The following ECEL1 variants were observed in gnomAD, a reference collection of about 807,000 sequenced individuals.
ECEL1 encodes endothelin-converting enzyme-like 1.
Under a neutral mutation model 101.8 loss-of-function variants are expected in ECEL1, and 87 were observed. That is an observed-to-expected ratio of 0.85 (90% CI 0.72 to 1.02). The LOEUF (loss-of-function observed/expected upper bound fraction) is 1.02. ECEL1 is among the 50% of genes least tolerant of loss of function. The pLI is 0.00. For synonymous variants in ECEL1, 487 were observed against 468.7 expected (o/e 1.04, Z -0.50); for missense variants, 1,032 against 1,079.2 (o/e 0.96, Z 0.61).
chr2:232,486,272 AG>A lies in ECEL1; in HGVS notation c.381del (p.Ser128ArgfsTer75). 8 of 1,600,396 alleles carry A rather than the reference AG, an allele frequency of 5.0e-6. No homozygotes were observed. The highest frequency in any genetic ancestry group is 6.8e-6 in the Non-Finnish European group (8 of 1,178,204). On this transcript the variant is annotated frameshift_variant, in exon 2 of 18. Coordinates refer to ENST00000304546, the MANE Select transcript of ECEL1 (RefSeq NM_004826.4). LOFTEE classifies it high-confidence loss of function. ...DASIDPCQDF[Y>X]SFACGGWLRR... Reference sequence around the variant, plus strand: ...CGCAGCCAACCGCCGCAGGCGAACGAGTAGAAGTCCTGGCATGGGTCGATGC... The same window carrying A: ...CGCAGCCAACCGCCGCAGGCGAACGATAGAAGTCCTGGCATGGGTCGATGC...
At chr2:232,480,501 G>T in intron 16 of ECEL1, 26 bp from the exon 17 acceptor site, 1 of 1,612,846 alleles carries the variant, frequency 6.2e-7, no homozygotes, top group African/African-American at 1.3e-5. Context: ...GGGTGGAGGG[G>T]AGGAGGGGGA....
At position 232,480,733 on chromosome 2, in the gene ECEL1, G is replaced by A; in HGVS notation, c.2136C>T (p.Phe712=). The change falls in exon 16 of 18, where the codon TTC becomes TTT. Residue 712 remains phenylalanine (F), a synonymous_variant. Coordinates refer to ENST00000304546, the MANE Select transcript of ECEL1 (RefSeq NM_004826.4). ...RLKYTHDQLF[F]IAFAQNWCIK... ...CCCAGCCCACCTGGGCAAAGGCAAT[G>A]AAGAAGAGCTGGTCATGTGTGTACT... The A allele has an allele frequency of 1.2e-6, 2 of 1,614,118 alleles. No individual in the cohort carries two copies. Among genetic ancestry groups the A allele is most frequent in the South Asian group, 1.1e-5 (1 of 91,082 alleles).
chr2:232,481,547 T>C lies in ECEL1; in HGVS notation c.1948A>G (p.Ile650Val). Residue 650 changes from isoleucine (I) to valine (V), a missense_variant, in exon 14 of 18, where the codon ATC becomes GTC. Ile to Val is a conservative substitution (Grantham distance 29, BLOSUM62 3). Transcript: ENST00000304546. ...GTGAAGTTGTCATAGAGACGGACGA[T>C]GCACTCAGCCTTTCGCAGGAAGCGG... The part of the protein sequence containing the change: ...YSRFLRKAEC[I>V]VRLYDNFTVY... The C allele has an allele frequency of 6.2e-7, 1 of 1,613,754 alleles. No homozygotes were observed. The highest frequency in any genetic ancestry group is 1.1e-5 in the South Asian group (1 of 91,026).
At position 232,485,716 on chromosome 2, in the gene ECEL1, G is replaced by A. The variant is rs2106186138; in HGVS notation, c.786+152C>T. ...TACTTGCGCCCTCCTCCCGCGCTCT[G>A]CCTCTGTGCGCTCCCCTCCCCTCCC... On this transcript the variant is annotated intron_variant, in intron 2 of 17. Transcript: ENST00000304546. 5 of 1,057,800 alleles carry A rather than the reference G, an allele frequency of 4.7e-6. No homozygotes were observed. In the South Asian group the frequency reaches 7.9e-5, roughly 17 times the overall value. 65.5% of individuals were successfully genotyped at this position (1,057,800 alleles called of 1,614,324 possible). A position where few individuals can be genotyped will look rare whatever the true frequency, so the allele number is the denominator to read the frequency against.
rs1187039908 is a variant in ECEL1, at chr2:232,484,240, G to T, written c.1185-17C>A. ...TGCAGGACCCTGGGGACCAGGTGAA[G>T]CCAGTGGGTGTCCAGACGGACATGC... On this transcript the variant is annotated splice_polypyrimidine_tract_variant and intron_variant, in intron 6 of 17. Transcript: ENST00000304546. 1 of 1,603,326 alleles carries T rather than the reference G, an allele frequency of 6.2e-7. No homozygotes were observed. Among genetic ancestry groups the T allele is most frequent in the East Asian group, 2.2e-5 (1 of 44,644 alleles).
Position 232,480,407 on chromosome 2 carries a change from C to T in ECEL1, c.2220G>A (p.Glu740=). The change falls in exon 17 of 18, where the codon GAG becomes GAA. Residue 740 remains glutamate (E), a synonymous_variant. Transcript: ENST00000304546. The part of the protein sequence containing the change: ...LQVLTDKHAP[E]HYRVLGSVSQ... ...CGGGCAGGTGGGCATACCTGTAGTG[C>T]TCAGGGGCATGCTTGTCAGTCAGCA... 1 of 1,614,034 alleles carries T rather than the reference C, an allele frequency of 6.2e-7. No homozygotes were observed. The highest frequency in any genetic ancestry group is 1.1e-5 in the South Asian group (1 of 91,084).
intron 16 of ECEL1, 30 bp downstream of exon 16, chr2:232,480,688 G>T (rs1309326610): frequency 6.2e-7 from 1 of 1,609,654 alleles, no homozygotes; most frequent in South Asian, 1.1e-5. Flanking sequence ...CCACCCCAAG[G>T]CTCCCAGTCC....
intron 2 of ECEL1, among the ~76,000 whole-genome samples, chr2:232,485,611 T>G (rs1193977188): frequency 6.6e-6 from 1 of 152,216 alleles, no homozygotes; most frequent in Non-Finnish European, 1.5e-5. Flanking sequence ...CTCTCCCTCC[T>G]GGCCCTCACT....
intron 2 of ECEL1, 130 bp from the exon 3 acceptor site, chr2:232,485,397 C>T (rs1288237800): frequency 9.6e-7 from 1 of 1,045,304 alleles, no homozygotes; most frequent in Non-Finnish European, 1.4e-6. Context: ...CACGCAGACC[C>T]CAGCTCCTCT....
In ECEL1 at chr2:232,483,148, G is replaced by A. The variant is rs747871273; in HGVS notation, c.1538C>T (p.Pro513Leu). 1.1e-5 allele frequency: 17 copies of A among 1,608,488 alleles called. No individual in the cohort carries two copies. Among genetic ancestry groups the A allele is most frequent in the East Asian group, 2.2e-5 (1 of 44,634 alleles). ...AGCATCGGGTTTCAGCAGGAAGTCC[G>A]GGTAGCCGACCATCACCATCATGTA... The part of the protein sequence containing the change: ...LQYMMVMVGY[P>L]DFLLKPDAVD... Residue 513 changes from proline (P) to leucine (L), a missense_variant, in exon 9 of 18, where the codon CCG becomes CTG. Physicochemically the swap from Pro to Leu is moderately conservative, Grantham distance 98 (BLOSUM62 -3). Coordinates refer to ENST00000304546, the MANE Select transcript of ECEL1 (RefSeq NM_004826.4).
rs1690587007 is a variant in ECEL1, at chr2:232,481,811, T to C, written c.1835A>G (p.His612Arg). Residue 612 changes from histidine (H) to arginine (R), a missense_variant, in exon 13 of 18, where the codon CAT becomes CGT. Transcript: ENST00000304546. ...GTCGTCGTAGCCGTGGGTCAGCTCA[T>C]GTCCAATGATGGTGCCGATGCCCCC... ...NYGGIGTIIG[H>R]ELTHGYDDWG... 3 of 1,613,960 alleles carry C rather than the reference T, an allele frequency of 1.9e-6. No individual in the cohort carries two copies. Among genetic ancestry groups the C allele is most frequent in the Non-Finnish European group, 1.7e-6 (2 of 1,179,980 alleles).
intron 16 of ECEL1, 61 bp downstream of exon 16, chr2:232,480,657 C>G: frequency 6.3e-7 from 1 of 1,581,770 alleles, no homozygotes. Flanking sequence ...AGGACTGGGA[C>G]TGACCCTGGA....
At chr2:232,480,347 T>A in intron 17 of ECEL1, 52 bp downstream of exon 17, 2 of 1,611,826 alleles carry the variant, frequency 1.2e-6, no homozygotes, top group Non-Finnish European at 1.7e-6. Context: ...TGCCCCCTGA[T>A]CCCACCCCAA....
chr2:232,484,358 G>T, intron 6 of ECEL1, 114 bp downstream of exon 6: 3 of 1,566,454 alleles, frequency 1.9e-6, no homozygotes, highest in South Asian at 2.4e-5. Context: ...GGGACAGGGG[G>T]TCATCCCAGC....
chr2:232,484,686 T>A (rs1217672349), intron 5 of ECEL1, 90 bp from the exon 6 acceptor site: 1 of 1,602,396 alleles, frequency 6.2e-7, no homozygotes, highest in Non-Finnish European at 8.5e-7. Context: ...CGAGGGGACA[T>A]GAGAGTCCAT....
At chr2:232,481,184 C>A (rs1690569263) in intron 14 of ECEL1, 28 bp from the exon 15 acceptor site, 3 of 1,552,556 alleles carry the variant, frequency 1.9e-6, no homozygotes, top group Non-Finnish European at 2.6e-6. Flanking sequence ...GGCCAGGGGG[C>A]TGCTTGGGGC....
chr2:232,480,501 G>A (rs2106181751), intron 16 of ECEL1, 26 bp from the exon 17 acceptor site: 2 of 1,612,846 alleles, frequency 1.2e-6, no homozygotes, highest in East Asian at 4.5e-5. Context: ...GGGTGGAGGG[G>A]AGGAGGGGGA....
chr2:232,483,278 G>A (rs907334906), intron 8 of ECEL1, 99 bp from the exon 9 acceptor site: 3 of 1,565,776 alleles, frequency 1.9e-6, no homozygotes, highest in Non-Finnish European at 2.6e-6. Flanking sequence ...GGCCAGCCTG[G>A]GAGTGGGCTT....
chr2:232,486,234 GA>G lies in ECEL1; in HGVS notation c.419del (p.Ile140ThrfsTer63), dbSNP rs761111880. 6.2e-7 allele frequency: 1 copy of G among 1,601,518 alleles called. No homozygotes were observed. The highest frequency in any genetic ancestry group is 8.5e-7 in the Non-Finnish European group (1 of 1,178,458). ...ACGGWLRRHA[I>X]PDDKLTYGTI... Reference sequence around the variant, plus strand: ...TGCCATAGGTGAGCTTGTCGTCGGGGATGGCGTGGCGCCGCAGCCAACCGCC... The same window carrying G: ...TGCCATAGGTGAGCTTGTCGTCGGGGTGGCGTGGCGCCGCAGCCAACCGCC... On this transcript the variant is annotated frameshift_variant, in exon 2 of 18. Coordinates refer to ENST00000304546, the MANE Select transcript of ECEL1 (RefSeq NM_004826.4). LOFTEE classifies it high-confidence loss of function.
Sources: allele counts gnomAD v4.1 joint callset (sites outside exome capture counted in the v4.1 genomes callset), GRCh38; gene constraint gnomAD v4.1.1; transcripts MANE v1.5; gene names NCBI Gene and HGNC (gene_info 2026-07-23, HGNC 2026-07-21).